VWA3B: variants seen among roughly 807,000 people sequenced by gnomAD.
The protein encoded by VWA3B is von Willebrand factor A domain containing 3B, also known as von Willebrand factor A domain-containing protein 3B.
In VWA3B, 138 loss-of-function variants were observed where a neutral mutation model predicts 158.3. That is an observed-to-expected ratio of 0.87 (90% CI 0.76 to 1.00). The LOEUF (loss-of-function observed/expected upper bound fraction) is 1.00. Ranked by LOEUF, VWA3B falls within the 50% of genes least tolerant of loss-of-function variation. The pLI is 0.00. For missense variants in VWA3B, 1,555 were observed against 1,565.1 expected, an observed-to-expected ratio of 0.99 and a Z score of 0.11; for synonymous variants, 596 against 587.3, an observed-to-expected ratio of 1.01 and a Z score of -0.21.
rs10206906 is a variant in VWA3B, at chr2:98,186,372, G to A, written c.1312-1603G>A. On this transcript the variant is annotated intron_variant, in intron 9 of 27. Coordinates refer to ENST00000477737, the MANE Select transcript of VWA3B (RefSeq NM_144992.5). The stretch of plus-strand genomic sequence containing the variant: ...TGGCTTTTAATCCCCTGTGCATGCC[G>A]GCCGGCGCCTTCAAAATGTACCCCT... Among the ~76,000 whole-genome samples, 634 of 151,904 alleles carry A rather than the reference G, an allele frequency of 4.2e-3. 4 individuals carry two copies. Among genetic ancestry groups the A allele is most frequent in the African/African-American group, 0.015 (606 of 41,422 alleles).
intron 7 of VWA3B, among the ~76,000 whole-genome samples, chr2:98,141,052 A>T (rs894794952): frequency 5.9e-5 from 9 of 152,232 alleles, no homozygotes; most frequent in Admixed American, 5.2e-4. Flanking sequence ...TCTGTTGGAC[A>T]GTCCTCCTAC....
At chr2:98,164,175 G>A (rs1678880763) in intron 8 of VWA3B, among the ~76,000 whole-genome samples, 1 of 152,298 alleles carries the variant, frequency 6.6e-6, no homozygotes, top group East Asian at 1.9e-4. Context: ...CTTTGAGCAG[G>A]GTCCAGGACC....
At chr2:98,277,986 G>A (rs767506569) in intron 22 of VWA3B, among the ~76,000 whole-genome samples, 15 of 151,866 alleles carry the variant, frequency 9.9e-5, no homozygotes, top group Non-Finnish European at 1.5e-4. Context: ...GTCCATTAAC[G>A]GGAGGTGTGA....
At chr2:98,147,569 T>A (rs1677266849) in intron 7 of VWA3B, among the ~76,000 whole-genome samples, 1 of 152,234 alleles carries the variant, frequency 6.6e-6, no homozygotes, top group Non-Finnish European at 1.5e-5. Context: ...ATTAAAAATA[T>A]CAAATACTTC....
rs535683655 is a variant in VWA3B at position 98,246,718 on chromosome 2, C to T, written c.2674-3600C>T. On this transcript the variant is annotated intron_variant, in intron 19 of 27. Coordinates refer to ENST00000477737, the MANE Select transcript of VWA3B (RefSeq NM_144992.5). Reference sequence around the variant, plus strand: ...TCCTAATACAAAAGCACTAAAACATCGTCCTACAGGTTTAAAACTTTATAG... The same window carrying T: ...TCCTAATACAAAAGCACTAAAACATTGTCCTACAGGTTTAAAACTTTATAG... 2.2e-4 allele frequency among the ~76,000 whole-genome samples: 34 copies of T among 152,126 alleles called. 2 individuals carry two copies. In the South Asian group the frequency reaches 4.6e-3, roughly 20 times the overall value.
chr2:98,281,203 G>A lies in VWA3B; in HGVS notation c.3046-9308G>A, dbSNP rs191790554. ...GAAATCCCTCTAAATCTAAATGAGC[G>A]GGGAGAGAGTGAGTTCCCAAACGCT... On this transcript the variant is annotated intron_variant, in intron 22 of 27. Transcript: ENST00000477737. 1.6e-4 allele frequency among the ~76,000 whole-genome samples: 24 copies of A among 152,304 alleles called. No homozygotes were observed. In the South Asian group the frequency reaches 4.3e-3, roughly 28 times the overall value.
intron 2 of VWA3B, among the ~76,000 whole-genome samples, chr2:98,113,939 T>C (rs1573797707): frequency 6.6e-6 from 1 of 152,208 alleles, no homozygotes; most frequent in South Asian, 2.1e-4. Flanking sequence ...ATTTTCATTC[T>C]AGTAGGCAGT....
chr2:98,117,262 A>G (rs1260582065), intron 3 of VWA3B, among the ~76,000 whole-genome samples: 2 of 152,214 alleles, frequency 1.3e-5, no homozygotes, highest in Admixed American at 6.5e-5. Flanking sequence ...TTAAGTTGCC[A>G]TCCTTTGGAT....
chr2:98,240,617 T>C (rs1015416581), intron 19 of VWA3B, among the ~76,000 whole-genome samples: 1 of 152,228 alleles, frequency 6.6e-6, no homozygotes, highest in African/African-American at 2.4e-5. Flanking sequence ...TGTGTAATAC[T>C]TGATAATCAT....
At chr2:98,204,594 T>A (rs6752440) in intron 12 of VWA3B, among the ~76,000 whole-genome samples, 121,627 of 152,196 alleles carry the variant, frequency 0.8, 48,927 homozygotes, top group South Asian at 0.89. Context: ...CATTTTATAC[T>A]TTGTTGGATT....
chr2:98,159,527 A>T (rs753550464), intron 7 of VWA3B, among the ~76,000 whole-genome samples: 1 of 151,922 alleles, frequency 6.6e-6, no homozygotes, highest in African/African-American at 2.4e-5. Context: ...GAGATTACAG[A>T]TGTGAGCCAC....
intron 20 of VWA3B, among the ~76,000 whole-genome samples, chr2:98,251,151 G>A (rs1686778270): frequency 6.6e-6 from 1 of 152,066 alleles, no homozygotes. Context: ...TATTGTAGGG[G>A]CTTCCTACAT....
At chr2:98,162,794 C>T in intron 7 of VWA3B, 57 bp from the exon 8 acceptor site, 1 of 1,598,814 alleles carries the variant, frequency 6.3e-7, no homozygotes. Context: ...GCTAGGCGGG[C>T]TGCCACATTC....
intron 22 of VWA3B, among the ~76,000 whole-genome samples, chr2:98,276,215 C>A (rs1484733993): frequency 1.3e-5 from 2 of 152,178 alleles, no homozygotes; most frequent in African/African-American, 4.8e-5. Context: ...ATGTTGTTTT[C>A]TTGCAATGAT....
Position 98,210,576 on chromosome 2 carries a change from T to C in VWA3B, c.1738-1354T>C, listed in dbSNP as rs966020722. ...GGAGCCTTAGGTGAGAGCAGCTGGA[T>C]GGGTCAGGTCATGGGGTTCCCCATC... On this transcript the variant is annotated intron_variant, in intron 12 of 27. Coordinates refer to ENST00000477737, the MANE Select transcript of VWA3B (RefSeq NM_144992.5). Among the ~76,000 whole-genome samples the C allele has an allele frequency of 1.1e-4, 16 of 152,164 alleles. No individual in the cohort carries two copies. In the South Asian group the frequency reaches 3.1e-3, roughly 30 times the overall value.
chr2:98,127,096 G>A (rs2105004382), intron 5 of VWA3B, among the ~76,000 whole-genome samples: 1 of 152,200 alleles, frequency 6.6e-6, no homozygotes, highest in East Asian at 1.9e-4. Context: ...GAATCCTAAA[G>A]GGATGGTGAC....
At position 98,115,642 on chromosome 2, in the gene VWA3B, A is replaced by G. The variant is rs759985479; in HGVS notation, c.197-10A>G. 2 of 1,611,694 alleles carry G rather than the reference A, an allele frequency of 1.2e-6. No individual in the cohort carries two copies. Among genetic ancestry groups the G allele is most frequent in the Non-Finnish European group, 1.7e-6 (2 of 1,178,368 alleles). ...TACTGTTTTGATTGTTTTTCTTTAT[A>G]AAAATGCAGATTATGTGGCGTCTCT... On this transcript the variant is annotated splice_polypyrimidine_tract_variant and intron_variant, in intron 2 of 27. Transcript: ENST00000477737.
At chr2:98,257,608 G>A (rs1318131389) in intron 21 of VWA3B, among the ~76,000 whole-genome samples, 1 of 151,290 alleles carries the variant, frequency 6.6e-6, no homozygotes, top group Non-Finnish European at 1.5e-5. Flanking sequence ...CTGTGGTTTT[G>A]ATACACATTT....
At chr2:98,220,202 A>T (rs1020466693) in intron 14 of VWA3B, among the ~76,000 whole-genome samples, 12 of 151,788 alleles carry the variant, frequency 7.9e-5, no homozygotes, top group African/African-American at 2.7e-4. Flanking sequence ...CGAAAAAACT[A>T]AAAGAATTCA....
Sources: allele counts gnomAD v4.1 joint callset (sites outside exome capture counted in the v4.1 genomes callset), GRCh38; gene constraint gnomAD v4.1.1; transcripts MANE v1.5; gene names NCBI Gene and HGNC (gene_info 2026-07-23, HGNC 2026-07-21).